The following CCDC69 variants were observed in gnomAD, a reference collection of about 807,000 sequenced individuals.
CCDC69 encodes the protein coiled-coil domain-containing protein 69.
A neutral mutation model predicts 40.3 loss-of-function variants in CCDC69; 38 were observed. That is an observed-to-expected ratio of 0.94 (90% confidence interval 0.73 to 1.24). The LOEUF (loss-of-function observed/expected upper bound fraction) is 1.24. Among genes scored for constraint, CCDC69 ranks in the 50% most tolerant of loss-of-function variants. The pLI is 0.00. For synonymous variants in CCDC69, 141 were observed against 138.9 expected (o/e 1.02, Z -0.11); for missense variants, 389 against 357.9 (o/e 1.09, Z -0.70).
intron 4 of CCDC69, among the ~76,000 whole-genome samples, chr5:151,190,746 C>G (rs1424009566): frequency 7.7e-6 from 1 of 129,922 alleles, no homozygotes; most frequent in African/African-American, 2.9e-5. Context: ...AAAAAAAATA[C>G]AGAGATACAG....
intron 6 of CCDC69, 46 bp downstream of exon 6, chr5:151,185,977 C>A (rs1752503309): frequency 7.4e-7 from 1 of 1,355,754 alleles, no homozygotes; most frequent in East Asian, 2.3e-5. Flanking sequence ...GCCCTGACCT[C>A]CCTGGAGATT....
chr5:151,198,975 A>G (rs778867070), intron 4 of CCDC69, 22 bp downstream of exon 4: 10 of 1,596,938 alleles, frequency 6.3e-6, no homozygotes, highest in Non-Finnish European at 8.6e-6. Context: ...CACCTTGGCC[A>G]GTGGAACATC....
chr5:151,194,047 A>G (rs944679354), intron 4 of CCDC69, among the ~76,000 whole-genome samples: 6 of 152,226 alleles, frequency 3.9e-5, no homozygotes, highest in African/African-American at 1.4e-4. Flanking sequence ...GCTAAAATAA[A>G]AAACCAGTGA....
intron 1 of CCDC69, among the ~76,000 whole-genome samples, chr5:151,217,424 G>A (rs1753062118): frequency 6.6e-6 from 1 of 152,126 alleles, no homozygotes; most frequent in African/African-American, 2.4e-5. Flanking sequence ...GTGAGAGGGT[G>A]GGTAAGGAGC....
chr5:151,186,955 C>T (rs433330), intron 5 of CCDC69, among the ~76,000 whole-genome samples: 67,958 of 151,770 alleles, frequency 0.45, 15,358 homozygotes, highest in Middle Eastern at 0.48. Context: ...TTTTTTCTGC[C>T]TGAGGCACCC....
chr5:151,221,256 T>C (rs1753130890), intron 1 of CCDC69, among the ~76,000 whole-genome samples: 1 of 152,132 alleles, frequency 6.6e-6, no homozygotes, highest in Non-Finnish European at 1.5e-5. Context: ...CTAGCCAGGA[T>C]AATCCTTTCT....
chr5:151,195,307 G>A (rs1752681585), intron 4 of CCDC69, among the ~76,000 whole-genome samples: 1 of 152,204 alleles, frequency 6.6e-6, no homozygotes, highest in Non-Finnish European at 1.5e-5. Context: ...GGAGAATAAA[G>A]TTGTTTTCCC....
intron 2 of CCDC69, 121 bp from the exon 3 acceptor site, chr5:151,201,809 A>G (rs1752780511): frequency 8.9e-6 from 5 of 562,830 alleles, no homozygotes; most frequent in Non-Finnish European, 1.5e-5. Context: ...TCTCTGCCTC[A>G]AGAATGATTT....
chr5:151,195,246 T>A (rs2054082929), intron 4 of CCDC69, among the ~76,000 whole-genome samples: 1 of 152,190 alleles, frequency 6.6e-6, no homozygotes. Context: ...AGTAGGAAAT[T>A]CTTCTTATTA....
chr5:151,198,291 GATCTATCTATCTATCTATCTATCT>G (rs56093424), intron 4 of CCDC69, among the ~76,000 whole-genome samples: 2,378 of 141,814 alleles, frequency 0.017, 25 homozygotes, highest in Middle Eastern at 0.072. Context: ...GAATGAGATT[GATCTATCTATCTATCTATCTATCT>G]ATCTATCTAT....
intron 1 of CCDC69, among the ~76,000 whole-genome samples, chr5:151,216,405 G>GGTTTTTTTTTTTTTTTTTTTTT (rs1561605577): frequency 6.8e-6 from 1 of 146,854 alleles, no homozygotes; most frequent in African/African-American, 2.6e-5. Flanking sequence ...AAATTATTAG[G>GGTTTTTTTTTTTTTTTTTTTTT]ATTTTTTTTT....
chr5:151,208,140 A>G (rs906955411), intron 1 of CCDC69, among the ~76,000 whole-genome samples: 11 of 151,934 alleles, frequency 7.2e-5, no homozygotes, highest in Admixed American at 2.0e-4. Flanking sequence ...AATCCCAACT[A>G]CTCAGGAGGC....
At chr5:151,218,320 G>T (rs1375571988) in intron 1 of CCDC69, among the ~76,000 whole-genome samples, 1 of 152,180 alleles carries the variant, frequency 6.6e-6, no homozygotes, top group Non-Finnish European at 1.5e-5. Flanking sequence ...TCCTGCTGCA[G>T]TGGGGGCTCC....
intron 4 of CCDC69, among the ~76,000 whole-genome samples, chr5:151,191,917 T>C (rs1376527689): frequency 6.6e-6 from 1 of 151,500 alleles, no homozygotes; most frequent in Admixed American, 6.6e-5. Context: ...GACCTGCCTC[T>C]GTTAAAAATT....
In CCDC69 at chr5:151,204,656, T is replaced by G. The variant is rs561579578; in HGVS notation, c.124+744A>C. 5.3e-5 allele frequency among the ~76,000 whole-genome samples: 8 copies of G among 152,354 alleles called. No homozygotes were observed. In the East Asian group the frequency reaches 1.5e-3, roughly 29 times the overall value. ...ACATGTGGAGAAAACTGTTGTTTTA[T>G]GGCAACATATATTTTTTTTCTGGAT... On this transcript the variant is annotated intron_variant, in intron 2 of 8. Transcript: ENST00000355417.
intron 1 of CCDC69, chr5:151,212,913 G>A (rs1752973594): frequency 2.2e-6 from 1 of 455,992 alleles, no homozygotes; most frequent in Admixed American, 2.4e-5. Flanking sequence ...TTGGAGGGTG[G>A]GGAATCGTGG....
intron 5 of CCDC69, 23 bp downstream of exon 5, chr5:151,187,363 T>C (rs933644296): frequency 6.2e-7 from 1 of 1,610,232 alleles, no homozygotes; most frequent in African/African-American, 1.3e-5. Context: ...TATCCAAGAC[T>C]GACACGACCC....
intron 1 of CCDC69, chr5:151,215,582 G>A: frequency 2.6e-6 from 1 of 380,110 alleles, no homozygotes; most frequent in Non-Finnish European, 5.6e-6. Flanking sequence ...GGAAAGGAGG[G>A]TCCCTTGCTC....
At chr5:151,195,733 AAAAAAAC>A (rs1432789479) in intron 4 of CCDC69, among the ~76,000 whole-genome samples, 1 of 150,250 alleles carries the variant, frequency 6.7e-6, no homozygotes, top group Non-Finnish European at 1.5e-5. Flanking sequence ...AAAAAAAAAA[AAAAAAAC>A]ACGCACACTC....
Sources: gnomAD v4.1 joint callset for allele counts (sites outside exome capture counted in the v4.1 genomes callset) on GRCh38, gnomAD v4.1.1 for gene constraint, MANE v1.5 for transcripts, NCBI Gene and HGNC (gene_info 2026-07-23, HGNC 2026-07-21) for gene names.